Variants in ZNF516 observed in about 807,000 individuals in gnomAD.
ZNF516 encodes zinc finger protein 516.
ZNF516 carries 19 observed loss-of-function variants against 79.7 expected under a neutral mutation model. That is an observed-to-expected ratio of 0.24 (90% CI 0.17 to 0.35). The LOEUF (loss-of-function observed/expected upper bound fraction) is 0.35, where lower values mean the gene tolerates loss of function less well. Ranked by LOEUF, ZNF516 falls within the 10% of genes least tolerant of loss-of-function variation. ZNF516 has a pLI of 1.00. For missense variants in ZNF516, 1,678 were observed against 1,679.5 expected (o/e 1.00, Z 0.02); for synonymous variants, 877 against 739.5 (o/e 1.19, Z -3.02).
chr18:76,491,189 C>A (rs1422376377), intron 1 of ZNF516: 2 of 842,000 alleles, frequency 2.4e-6, no homozygotes, highest in Non-Finnish European at 2.9e-6. Context: ...CCCCCGGAGC[C>A]CGGTCCACGC....
In ZNF516 at chr18:76,490,859, C is replaced by G. The variant is rs952164437; in HGVS notation, c.-272+4285G>C. On this transcript the variant is annotated intron_variant, in intron 1 of 6. Coordinates refer to ENST00000443185, the MANE Select transcript of ZNF516 (RefSeq NM_014643.4). ...TTACGCAGGGGACACCCCTGGAAGG[C>G]CAGCCCAACGCCCACGGGCACATCT... The G allele has an allele frequency of 1.8e-4, 180 of 985,508 alleles. 1 individual carries two copies. In the Middle Eastern group the frequency reaches 2.1e-3, roughly 11 times the overall value. The allele number at this position is 985,508 out of a possible 1,614,324, so 61.0% of individuals were successfully genotyped here.
At position 76,405,712 on chromosome 18, in the gene ZNF516, G is replaced by A. The variant is rs143138853; in HGVS notation, c.1811-25409C>T. On this transcript the variant is annotated intron_variant, in intron 3 of 6. Coordinates refer to ENST00000443185, the MANE Select transcript of ZNF516 (RefSeq NM_014643.4). ...CAGGCCTGCAGTATTTTTACCAAAC[G>A]CCCCCGGTTGGTGACTCCGCTGACA... Among the ~76,000 whole-genome samples, 802 of 151,924 alleles carry A rather than the reference G, an allele frequency of 5.3e-3. 9 individuals are homozygous for A. Among genetic ancestry groups the A allele is most frequent in the South Asian group, 0.04 (192 of 4,798 alleles).
At chr18:76,491,524 C>T (rs1915210246) in intron 1 of ZNF516, 1 of 125,488 alleles carries the variant, frequency 8.0e-6, no homozygotes. Flanking sequence ...AGGCGTGTGA[C>T]GTCCGCTCCA....
At chr18:76,384,863 G>A (rs1280391735) in intron 3 of ZNF516, among the ~76,000 whole-genome samples, 1 of 152,172 alleles carries the variant, frequency 6.6e-6, no homozygotes, top group Non-Finnish European at 1.5e-5. Flanking sequence ...AGAATTGAAG[G>A]AAAGAGAACG....
At chr18:76,458,025 C>T (rs955913388) in intron 2 of ZNF516, among the ~76,000 whole-genome samples, 57 of 152,194 alleles carry the variant, frequency 3.7e-4, no homozygotes, top group African/African-American at 1.2e-3. Flanking sequence ...CGGCTGGATA[C>T]GTTTGCCTCA....
chr18:76,383,131 G>A (rs1394919796), intron 3 of ZNF516, among the ~76,000 whole-genome samples: 2 of 150,772 alleles, frequency 1.3e-5, no homozygotes, highest in Admixed American at 6.6e-5. Flanking sequence ...GGAACACACA[G>A]ACCCTGCACA....
Position 76,387,105 on chromosome 18 carries a change from G to GGAC in ZNF516, c.1811-6805_1811-6803dup, listed in dbSNP as rs1430867486. 7.2e-5 allele frequency: 11 copies of GGAC among 152,476 alleles called. No homozygotes were observed. In the East Asian group the frequency reaches 2.1e-3, roughly 29 times the overall value. The allele number at this position is 152,476 out of a possible 1,614,324, so 9.4% of individuals were successfully genotyped here. ...CCTCTGAAGGCTCCGTCATCCATGT[G>GGAC]GACTCTGCTCCTGGGACACAGCCAC... On this transcript the variant is annotated intron_variant, in intron 3 of 6. Coordinates refer to ENST00000443185, the MANE Select transcript of ZNF516 (RefSeq NM_014643.4).
At chr18:76,456,025 C>A (rs552095750) in intron 2 of ZNF516, among the ~76,000 whole-genome samples, 1 of 152,184 alleles carries the variant, frequency 6.6e-6, no homozygotes, top group Non-Finnish European at 1.5e-5. Context: ...AGTCAGGTAT[C>A]GTCTGTAACT....
chr18:76,441,144 G>A (rs562808582), intron 3 of ZNF516, 101 bp downstream of exon 3: 3 of 1,444,740 alleles, frequency 2.1e-6, no homozygotes, highest in African/African-American at 2.9e-5. Context: ...ACCGGGTAAG[G>A]GGCTAATGAG....
chr18:76,441,663 G>A lies in ZNF516; in HGVS notation c.1392C>T (p.Arg464=), dbSNP rs1348187898. The stretch of plus-strand genomic sequence containing the variant: ...CGGCTGGTGCATCCTGCTCACGCTT[G>A]CGCTTCTCCTGGCTCACCAGGACGT... ...REYVLVSQEK[R]KREQDAPAAQ... The change falls in exon 3 of 7, where the codon CGC becomes CGT. Residue 464 remains arginine, a synonymous_variant. Transcript: ENST00000443185. 6.5e-7 allele frequency: 1 copy of A among 1,548,904 alleles called. No homozygotes were observed. The highest frequency in any genetic ancestry group is 1.4e-5 in the African/African-American group (1 of 73,152).
intron 3 of ZNF516, among the ~76,000 whole-genome samples, chr18:76,397,926 A>G (rs1033581464): frequency 2.6e-5 from 4 of 152,180 alleles, no homozygotes; most frequent in Admixed American, 2.6e-4. Flanking sequence ...GTCCGAACAA[A>G]AACAGTCCCA....
chr18:76,406,616 C>T (rs558754759), intron 3 of ZNF516, among the ~76,000 whole-genome samples: 9 of 152,278 alleles, frequency 5.9e-5, no homozygotes, highest in East Asian at 1.9e-4. Context: ...GCGACAGCCG[C>T]GCTCCACATC....
rs768275322 is a variant in ZNF516 at position 76,418,400 on chromosome 18, CTA to C, written c.1810+22843_1810+22844del. 1.1e-4 allele frequency among the ~76,000 whole-genome samples: 17 copies of C among 152,194 alleles called. No homozygotes were observed. The South Asian group carries it at 2.3e-3, about 20-fold the overall frequency. ...ACACACACTGTAACACTATAACAAA[CTA>C]TAACATACACGGTAACATGCTGTCA... On this transcript the variant is annotated intron_variant, in intron 3 of 6. Transcript: ENST00000443185.
chr18:76,380,925 A>G (rs547168390), intron 3 of ZNF516, among the ~76,000 whole-genome samples: 42 of 152,324 alleles, frequency 2.8e-4, no homozygotes, highest in Admixed American at 2.6e-3. Context: ...TGATGCCCCA[A>G]GGTCCCCCAG....
intron 2 of ZNF516, among the ~76,000 whole-genome samples, chr18:76,444,176 G>A (rs1364845752): frequency 6.6e-6 from 1 of 152,236 alleles, no homozygotes; most frequent in African/African-American, 2.4e-5. Context: ...GCAGAACGAT[G>A]AGCCAGTTAG....
rs1452579692 is a variant in ZNF516 at position 76,441,873 on chromosome 18, G to A, written c.1182C>T (p.Ala394=). Residue 394 remains alanine, a synonymous_variant, in exon 3 of 7, where the codon GCC becomes GCT. Coordinates refer to ENST00000443185, the MANE Select transcript of ZNF516 (RefSeq NM_014643.4). ...CCTGCGTGCCAGGGCACGAGTCGCCGGCCGCCGACGGCCTCAGGTTCAGGC... is the reference window on the plus strand; with the variant it reads ...CCTGCGTGCCAGGGCACGAGTCGCCAGCCGCCGACGGCCTCAGGTTCAGGC... ...LQCLNLRPSA[A]GDSCPGTQAG... is the part of the protein sequence containing the mutation. 14 of 1,584,724 alleles carry A rather than the reference G, an allele frequency of 8.8e-6. No individual in the cohort carries two copies. The highest frequency in any genetic ancestry group is 5.4e-5 in the African/African-American group (4 of 74,608).
Position 76,481,613 on chromosome 18 carries a change from G to A in ZNF516, c.-272+13531C>T, listed in dbSNP as rs547452724. On this transcript the variant is annotated intron_variant, in intron 1 of 6. Transcript: ENST00000443185. ...CCTGTGCAGGCCTCAGTGTCCTCTCGGGTAAAAGGGGATGGGAATTACTGC... is the reference window on the plus strand; with the variant it reads ...CCTGTGCAGGCCTCAGTGTCCTCTCAGGTAAAAGGGGATGGGAATTACTGC... Among the ~76,000 whole-genome samples the A allele has an allele frequency of 1.8e-4, 27 of 152,298 alleles. No homozygotes were observed. In the East Asian group the frequency reaches 3.1e-3, roughly 17 times the overall value.
At chr18:76,396,442 T>G (rs2075147810) in intron 3 of ZNF516, among the ~76,000 whole-genome samples, 1 of 152,166 alleles carries the variant, frequency 6.6e-6, no homozygotes, top group Admixed American at 6.5e-5. Context: ...ATTTCAAGAT[T>G]TCAGCATTTA....
rs556333796 is a variant in ZNF516 at position 76,442,556 on chromosome 18, G to A, written c.499C>T (p.Pro167Ser). The A allele has an allele frequency of 8.1e-6, 13 of 1,598,834 alleles. No individual in the cohort carries two copies. The East Asian group carries it at 2.7e-4, about 33-fold the overall frequency. The change falls in exon 3 of 7, where the codon CCG (proline) becomes TCG (serine). Residue 167 changes from proline to serine, a missense_variant. Around this residue, in one of 5 missense-constraint regions of ZNF516, gnomAD observed 279 missense variants for 254.1 expected, o/e 1.10. Transcript: ENST00000443185. ...TGGACCGCTGCCTTGGCCTCCCCCG[G>A]GGCGCATGCGGACCCCTCTGCCCCC... ...KKGAEGSACAPGEAKAAVQCS... is the reference protein window; with the variant it reads ...KKGAEGSACASGEAKAAVQCS...
Sources: gnomAD v4.1 joint callset for allele counts (sites outside exome capture counted in the v4.1 genomes callset) on GRCh38, gnomAD v4.1.1 for gene constraint, gnomAD v4.1.1 regional missense constraint, MANE v1.5 for transcripts, NCBI Gene and HGNC (gene_info 2026-07-23, HGNC 2026-07-21) for gene names.